CREBRF: variants seen among roughly 807,000 people sequenced by gnomAD.
CREBRF encodes the protein UPF0474 protein C5orf41.
Under a neutral mutation model 66.1 loss-of-function variants are expected in CREBRF, and 5 were observed. The ratio of observed to expected loss-of-function variants is 0.08; its 90% CI spans 0.04 to 0.16. CREBRF has a LOEUF of 0.16. Ranked by LOEUF, CREBRF falls within the 10% of genes least tolerant of loss-of-function variation. The pLI, the probability that CREBRF is intolerant of heterozygous loss-of-function variation, is 1.00. For missense variants in CREBRF, 531 were observed against 744.9 expected (o/e 0.71, Z 3.34); for synonymous variants, 229 against 264.4 (o/e 0.87, Z 1.30).
At chr5:173,117,484 C>A (rs1034041077) in intron 7 of CREBRF, among the ~76,000 whole-genome samples, 2 of 150,142 alleles carry the variant, frequency 1.3e-5, no homozygotes, top group Admixed American at 1.3e-4. Context: ...TTTTCCTTTC[C>A]TTTTCCTTTT....
chr5:173,097,162 A>G (rs2113750588), intron 4 of CREBRF, among the ~76,000 whole-genome samples: 1 of 152,344 alleles, frequency 6.6e-6, no homozygotes, highest in South Asian at 2.1e-4. Flanking sequence ...CTTTAGAAGT[A>G]TTAGAGAAGG....
At chr5:173,100,096 G>GTGTGTGTT (rs1758583720) in intron 4 of CREBRF, among the ~76,000 whole-genome samples, 1 of 128,838 alleles carries the variant, frequency 7.8e-6, no homozygotes, top group Non-Finnish European at 1.6e-5. Flanking sequence ...GTGTGTGTGT[G>GTGTGTGTT]TGTGTGTGTG....
chr5:173,112,456 T>C, intron 7 of CREBRF, 77 bp downstream of exon 7: 2 of 1,089,564 alleles, frequency 1.8e-6, no homozygotes, highest in South Asian at 2.9e-5. Context: ...TGGTTTGTGA[T>C]TTGCTTTCGC....
chr5:173,120,412 C>T (rs1456478075), intron 7 of CREBRF, among the ~76,000 whole-genome samples: 3 of 150,634 alleles, frequency 2.0e-5, no homozygotes, highest in Admixed American at 6.6e-5. Flanking sequence ...CAGTATCTCA[C>T]TCTGTTGCTC....
chr5:173,133,522 G>A, intron 8 of CREBRF, 108 bp from the exon 9 acceptor site: 2 of 566,556 alleles, frequency 3.5e-6, no homozygotes, highest in Non-Finnish European at 3.2e-6. Flanking sequence ...TTTGGGACCA[G>A]TATCAAGCTG....
At chr5:173,057,056 C>T (rs532409278) in intron 1 of CREBRF, among the ~76,000 whole-genome samples, 2 of 149,528 alleles carry the variant, frequency 1.3e-5, no homozygotes, top group Admixed American at 6.6e-5. Context: ...GCCGCTCCCC[C>T]TTCTGTCCCC....
chr5:173,086,445 T>G (rs779460226), intron 2 of CREBRF, 56 bp from the exon 3 acceptor site: 34 of 1,563,360 alleles, frequency 2.2e-5, no homozygotes, highest in Non-Finnish European at 2.9e-5. Flanking sequence ...TCATATGTGA[T>G]AAATTGGTCT....
intron 4 of CREBRF, among the ~76,000 whole-genome samples, chr5:173,103,134 C>G (rs143055431): frequency 1.3e-5 from 2 of 152,308 alleles, no homozygotes; most frequent in South Asian, 2.1e-4. Flanking sequence ...TCTTACATAA[C>G]AGGACAGTGG....
chr5:173,139,231 A>G lies in CREBRF; in HGVS notation c.*5486A>G, dbSNP rs1759655597. ...AGCACTTCTAGTCAGATACAGATTC[A>G]TCAGTGTATGCAACATCCTTTGTAA... On this transcript the variant is annotated 3_prime_UTR_variant, in exon 9 of 9. Coordinates refer to ENST00000296953, the MANE Select transcript of CREBRF (RefSeq NM_153607.3). 1 of 152,200 alleles carries G rather than the reference A, an allele frequency of 6.6e-6. No homozygotes were observed. The highest frequency in any genetic ancestry group is 2.4e-5 in the African/African-American group (1 of 41,444). The allele number at this position is 152,200 out of a possible 1,614,324, so 9.4% of individuals were successfully genotyped here.
intron 7 of CREBRF, among the ~76,000 whole-genome samples, chr5:173,116,388 T>C (rs1488607101): frequency 6.6e-6 from 1 of 152,300 alleles, no homozygotes; most frequent in East Asian, 1.9e-4. Flanking sequence ...GTCATTCTGC[T>C]CTCCACTCCT....
intron 8 of CREBRF, among the ~76,000 whole-genome samples, chr5:173,130,932 C>G (rs551261499): frequency 1.3e-5 from 2 of 152,310 alleles, no homozygotes; most frequent in Non-Finnish European, 2.9e-5. Context: ...GTCTCAAACT[C>G]CTGACCCCAA....
At chr5:173,084,646 A>G (rs1300995872) in intron 2 of CREBRF, among the ~76,000 whole-genome samples, 1 of 151,798 alleles carries the variant, frequency 6.6e-6, no homozygotes, top group Non-Finnish European at 1.5e-5. Context: ...TTTTATTTTT[A>G]TTTATGTATT....
intron 1 of CREBRF, among the ~76,000 whole-genome samples, chr5:173,059,275 T>C (rs1192281811): frequency 1.4e-5 from 2 of 142,338 alleles, no homozygotes; most frequent in African/African-American, 5.3e-5. Flanking sequence ...CTTTTTTTTT[T>C]TTTTTTGAGA....
At chr5:173,113,744 A>T (rs1039021340) in intron 7 of CREBRF, among the ~76,000 whole-genome samples, 1 of 152,184 alleles carries the variant, frequency 6.6e-6, no homozygotes, top group Admixed American at 6.5e-5. Context: ...ACGGAATATA[A>T]CAAGAGTAGG....
intron 1 of CREBRF, among the ~76,000 whole-genome samples, chr5:173,059,789 G>T (rs2113649047): frequency 6.6e-6 from 1 of 152,272 alleles, no homozygotes; most frequent in Non-Finnish European, 1.5e-5. Context: ...AGATGCAATA[G>T]AACTTATTTG....
At chr5:173,086,093 A>G (rs1561801311) in intron 2 of CREBRF, 4 of 825,450 alleles carry the variant, frequency 4.8e-6, no homozygotes, top group Non-Finnish European at 6.5e-6. Context: ...CTGTGACTGC[A>G]TAGTTGTCAA....
intron 4 of CREBRF, among the ~76,000 whole-genome samples, chr5:173,102,683 G>T (rs1030234824): frequency 5.9e-5 from 9 of 152,098 alleles, no homozygotes; most frequent in African/African-American, 2.2e-4. Flanking sequence ...ACTTGGTCCT[G>T]ACTCCACAGG....
intron 8 of CREBRF, among the ~76,000 whole-genome samples, chr5:173,132,284 A>G (rs529713812): frequency 1.2e-3 from 179 of 150,102 alleles, no homozygotes; most frequent in African/African-American, 4.2e-3. Context: ...ACAGGATTTC[A>G]CCATGTTGGC....
At chr5:173,085,381 A>T in intron 2 of CREBRF, 1 of 1,239,786 alleles carries the variant, frequency 8.1e-7, no homozygotes, top group Non-Finnish European at 1.2e-6. Context: ...TGGAGGCTCC[A>T]GGGCAGCCAA....
Sources: gnomAD v4.1 joint callset for allele counts (sites outside exome capture counted in the v4.1 genomes callset) on GRCh38, gnomAD v4.1.1 for gene constraint, MANE v1.5 for transcripts, NCBI Gene and HGNC (gene_info 2026-07-23, HGNC 2026-07-21) for gene names.